Variants in PWWP2A observed in about 807,000 individuals in gnomAD.
The protein encoded by PWWP2A is PWWP domain-containing protein 2A.
PWWP2A carries 18 observed loss-of-function variants against 48.5 expected under a neutral mutation model. That is an observed-to-expected ratio of 0.37 (90% CI 0.26 to 0.55). PWWP2A has a LOEUF of 0.55. Ranked by LOEUF, PWWP2A falls within the 20% of genes least tolerant of loss-of-function variation. The pLI is 0.81. For synonymous variants in PWWP2A, 396 were observed against 387.7 expected, an observed-to-expected ratio of 1.02 and a Z score of -0.25; for missense variants, 867 against 976.4, an observed-to-expected ratio of 0.89 and a Z score of 1.49.
At chr5:160,089,619 T>G, downstream of PWWP2A, 1 of 1,288,264 alleles carries the variant, frequency 7.8e-7, no homozygotes, top group Non-Finnish European at 1.0e-6. Flanking sequence ...TTCTAGAAAG[T>G]AAAAAGGGAA....
chr5:160,064,992 T>C, intron 4 of PWWP2A: 1 of 1,614,056 alleles, frequency 6.2e-7, no homozygotes, highest in Non-Finnish European at 8.5e-7. Context: ...ACGGAAAATT[T>C]CCAGATCAAA....
At chr5:160,110,101 G>C (rs1172979103) in intron 1 of PWWP2A, among the ~76,000 whole-genome samples, 1 of 150,700 alleles carries the variant, frequency 6.6e-6, no homozygotes, top group Non-Finnish European at 1.5e-5. Flanking sequence ...GCTCACTGCA[G>C]CCTCCGCCTC....
intron 1 of PWWP2A, among the ~76,000 whole-genome samples, chr5:160,106,820 CTTTTTTTTTTTTT>C (rs764479391): frequency 8.4e-6 from 1 of 119,756 alleles, no homozygotes; most frequent in Non-Finnish European, 1.7e-5. Flanking sequence ...AACCATTAAC[CTTTTTTTTTTTTT>C]TTTTTTTTTG....
chr5:160,113,248 T>A, intron 1 of PWWP2A: 1 of 981,514 alleles, frequency 1.0e-6, no homozygotes, highest in Non-Finnish European at 1.2e-6. Context: ...CTTTCTTGAG[T>A]TATGTATGTC....
intron 1 of PWWP2A, among the ~76,000 whole-genome samples, chr5:160,100,464 A>C (rs770057898): frequency 3.9e-5 from 6 of 151,928 alleles, no homozygotes; most frequent in Non-Finnish European, 8.8e-5. Context: ...CTGTCTCAAA[A>C]ACAAAACAAA....
At chr5:160,081,280 G>GCC (rs70987995) in intron 2 of PWWP2A, among the ~76,000 whole-genome samples, 111,029 of 146,114 alleles carry the variant, frequency 0.76, 42,110 homozygotes, top group East Asian at 0.87. Context: ...ACTCTTGTTA[G>GCC]CAGGCTGGAG....
chr5:160,052,548 CAA>C, the PWWP2A span, among the ~76,000 whole-genome samples: 31 of 68,094 alleles, frequency 4.6e-4, no homozygotes, highest in East Asian at 4.2e-3. Flanking sequence ...TCTATTTTAG[CAA>C]AAAAAAAAAA....
Position 160,104,122 on chromosome 5 carries a change from CAAA to C in PWWP2A, c.585-10060_585-10058del, listed in dbSNP as rs70990703. On this transcript the variant is annotated intron_variant, in intron 1 of 1. Coordinates refer to ENST00000307063, the MANE Select transcript of PWWP2A (RefSeq NM_001130864.2). ...TGGGCAACAGAGTGAGACTCTGTCT[CAAA>C]AAAAAAAAAAAAAAAGAAATGAAAA... Among the ~76,000 whole-genome samples, 374 of 61,764 alleles carry C rather than the reference CAAA, an allele frequency of 6.1e-3. 1 individual carries two copies. The highest frequency in any genetic ancestry group is 0.021 in the African/African-American group (329 of 15,472). 40.5% of individuals were successfully genotyped at this position (61,764 alleles called of 152,430 possible).
chr5:160,052,285 C>T, the PWWP2A span, among the ~76,000 whole-genome samples: 2 of 152,088 alleles, frequency 1.3e-5, no homozygotes, highest in African/African-American at 2.4e-5. Context: ...AGGAGGATTG[C>T]TTGAGCCCAG....
rs1304486529 is a variant in PWWP2A at position 160,078,600 on chromosome 5, G to A, written c.1670-432C>T. 6.6e-6 allele frequency among the ~76,000 whole-genome samples: 1 copy of A among 152,148 alleles called. No individual in the cohort carries two copies. Among genetic ancestry groups the A allele is most frequent in the Non-Finnish European group, 1.5e-5 (1 of 68,030 alleles). ...AACAGCCTTCTACTAGCACAGACTA[G>A]CCTACAGTTTTAAGGAACAAATTTA... On this transcript the variant is annotated intron_variant, in intron 3 of 3. Transcript: ENST00000456329. This position sits in a 1 kb window ranked among gnomAD's most constrained non-coding sequence, Gnocchi z 4.2.
Position 160,118,901 on chromosome 5 carries a change from C to A in PWWP2A, c.488G>T (p.Arg163Leu), listed in dbSNP as rs773497872. ...CTCAATGATGTGGTCCAGCGTGACC[C>A]GCACCTCCGAGCCCGGGATCAGTTG... ...VSQLIPGSEV[R>L]VTLDHIIEDA... Residue 163 changes from arginine (R) to leucine (L), a missense_variant, in exon 1 of 2, where the codon CGG becomes CTG. Arg to Leu is a moderately radical substitution (Grantham distance 102, BLOSUM62 -2). Transcript: ENST00000307063. The A allele has an allele frequency of 6.2e-7, 1 of 1,601,848 alleles. No individual in the cohort carries two copies. Among genetic ancestry groups the A allele is most frequent in the Non-Finnish European group, 8.5e-7 (1 of 1,175,134 alleles).
At chr5:160,090,325 T>TA (rs903866744), downstream of PWWP2A, 4 of 984,730 alleles carry the variant, frequency 4.1e-6, no homozygotes, top group African/African-American at 3.5e-5. Flanking sequence ...GCCTTGGAAT[T>TA]ACATATTTTG....
In PWWP2A at chr5:160,093,441, A is replaced by G. The variant is rs867300581; in HGVS notation, c.1209T>C (p.Ala403=). 1 of 1,613,392 alleles carries G rather than the reference A, an allele frequency of 6.2e-7. No homozygotes were observed. The highest frequency in any genetic ancestry group is 2.2e-5 in the East Asian group (1 of 44,898). ...ACTGAGCTTTTGATGTATTTGCCTG[A>G]GCAGAAACTTTTACTACTCTGCCTC... is the stretch of plus-strand genomic sequence containing the variant. ...HSRGRVVKVS[A]QANTSKAQLS... The change falls in exon 2 of 2, where the codon GCT becomes GCC. Residue 403 remains alanine (A), a synonymous_variant. Coordinates refer to ENST00000307063, the MANE Select transcript of PWWP2A (RefSeq NM_001130864.2). This position sits in a 1 kb window ranked among gnomAD's most constrained non-coding sequence, Gnocchi z 5.8.
At chr5:160,066,588 T>A (rs1040015601) in exon 4 of PWWP2A, 9 of 152,194 alleles carry the variant, frequency 5.9e-5, no homozygotes, top group African/African-American at 2.2e-4. Flanking sequence ...GTGCCCAAAC[T>A]TTTATTTCAG....
rs367758808 is a variant in PWWP2A at position 160,070,081 on chromosome 5, C to A, written c.*80-3210G>T. Among the ~76,000 whole-genome samples, 3 of 152,186 alleles carry A rather than the reference C, an allele frequency of 2.0e-5. No homozygotes were observed. The South Asian group carries it at 6.2e-4, about 32-fold the overall frequency. On this transcript the variant is annotated intron_variant and NMD_transcript_variant, in intron 2 of 5. Transcript: ENST00000524050. Reference sequence around the variant, plus strand: ...AACAAATTCATACTCATATGGTGGTCTTTCTGTGTAGAGTGCACTGTGGAT... The same window carrying A: ...AACAAATTCATACTCATATGGTGGTATTTCTGTGTAGAGTGCACTGTGGAT...
intron 2 of PWWP2A, among the ~76,000 whole-genome samples, chr5:160,068,805 G>C (rs1283891207): frequency 6.6e-6 from 1 of 152,152 alleles, no homozygotes; most frequent in Non-Finnish European, 1.5e-5. Flanking sequence ...ACAAGACGTG[G>C]TTTTAGTGTG....
chr5:160,058,056 T>G (rs1474434313), downstream of PWWP2A, among the ~76,000 whole-genome samples: 1 of 151,984 alleles, frequency 6.6e-6, no homozygotes, highest in Non-Finnish European at 1.5e-5. Context: ...CGTGAGCCAC[T>G]GTGCCCGGCC....
chr5:160,061,458 T>G (rs1323442182), downstream of PWWP2A, among the ~76,000 whole-genome samples: 2 of 152,258 alleles, frequency 1.3e-5, no homozygotes, highest in East Asian at 3.8e-4. Flanking sequence ...GACCATGTCA[T>G]GTATCTTTGC....
chr5:160,095,084 TTATGAATG>T (rs1422394927), intron 1 of PWWP2A, among the ~76,000 whole-genome samples: 1 of 104,388 alleles, frequency 9.6e-6, no homozygotes, highest in Non-Finnish European at 2.1e-5. Flanking sequence ...AAAAGACTAC[TTATGAATG>T]TATACATGCA....
Sources: gnomAD v4.1 joint callset for allele counts (sites outside exome capture counted in the v4.1 genomes callset) on GRCh38, gnomAD v4.1.1 for gene constraint, Gnocchi (gnomAD v3.1) non-coding constraint, MANE v1.5 for transcripts, NCBI Gene and HGNC (gene_info 2026-07-23, HGNC 2026-07-21) for gene names.